The following CBX2 variants were observed in gnomAD, a reference collection of about 807,000 sequenced individuals.
CBX2 encodes the protein chromobox 2, also known as chromobox protein homolog 2.
In CBX2, 11 loss-of-function variants were observed where a neutral mutation model predicts 21.0. That is an observed-to-expected ratio of 0.52 (90% CI 0.33 to 0.87). The LOEUF (loss-of-function observed/expected upper bound fraction) is 0.87, where lower values mean the gene tolerates loss of function less well. Among genes scored for constraint, CBX2 ranks in the 40% least tolerant of loss-of-function variants. The probability of loss-of-function intolerance (pLI) is 0.02; values close to 1 mark genes in which losing one functional copy is unlikely to be tolerated. For synonymous variants in CBX2, 364 were observed against 304.6 expected (o/e 1.19, Z -2.03); for missense variants, 746 against 724.3 (o/e 1.03, Z -0.34).
chr17:79,778,125 G>GCGGGC, upstream of CBX2: 5 of 362,250 alleles, frequency 1.4e-5, no homozygotes, highest in Non-Finnish European at 1.5e-5. This position sits in a 1 kb window ranked among gnomAD's most constrained non-coding sequence, Gnocchi z 4.8. Flanking sequence ...CGTGCGCGGG[G>GCGGGC]CGGGCCGGCG....
rs1192258557 is a variant in CBX2, at chr17:79,785,611, C to T, written c.*569C>T. 1.9e-5 allele frequency: 3 copies of T among 158,484 alleles called. No individual in the cohort carries two copies. The highest frequency in any genetic ancestry group is 4.2e-5 in the Non-Finnish European group (3 of 71,548). The allele number at this position is 158,484 out of a possible 1,614,324, so 9.8% of individuals were successfully genotyped here. A position where few individuals can be genotyped will look rare whatever the true frequency, so the allele number is the denominator to read the frequency against. ...TGGTCCTGGCTGGCATTGCCTGAGCCGGCAGTGATGAAGTGGGGAGCTTGC... is the reference window on the plus strand; with the variant it reads ...TGGTCCTGGCTGGCATTGCCTGAGCTGGCAGTGATGAAGTGGGGAGCTTGC... On this transcript the variant is annotated 3_prime_UTR_variant, in exon 5 of 5. Coordinates refer to ENST00000310942, the MANE Select transcript of CBX2 (RefSeq NM_005189.3).
In CBX2 at chr17:79,786,689, C is replaced by T. The variant is rs1416363198; in HGVS notation, c.*1647C>T. 2.0e-5 allele frequency: 3 copies of T among 152,716 alleles called. No individual in the cohort carries two copies. Among genetic ancestry groups the T allele is most frequent in the Non-Finnish European group, 2.9e-5 (2 of 68,094 alleles). The allele number at this position is 152,716 out of a possible 1,614,324, so 9.5% of individuals were successfully genotyped here. ...TGTTCCTCTGATTGGATGGAGTCCG[C>T]CAGCAGGCATGGGGCTACATTCCAG... On this transcript the variant is annotated 3_prime_UTR_variant, in exon 5 of 5. Transcript: ENST00000310942.
chr17:79,778,477 T>C lies in CBX2; in HGVS notation c.116+50T>C. The C allele has an allele frequency of 1.6e-6, 2 of 1,273,198 alleles. No individual in the cohort carries two copies. The highest frequency in any genetic ancestry group is 2.1e-6 in the Non-Finnish European group (2 of 936,092). 78.9% of individuals were successfully genotyped at this position (1,273,198 alleles called of 1,614,324 possible). On this transcript the variant is annotated intron_variant, in intron 2 of 4. Coordinates refer to ENST00000310942, the MANE Select transcript of CBX2 (RefSeq NM_005189.3). The surrounding 1 kb of genome is among the most constrained non-coding windows in gnomAD (Gnocchi z 4.8). ...CCCCTCCCGCCCCCTCGCCCGGGGG[T>C]GGGGACGTGGAGCCCCTCGGCCGCG...
chr17:79,777,541 G>A (rs930989279), upstream of CBX2, among the ~76,000 whole-genome samples: 8 of 152,144 alleles, frequency 5.3e-5, no homozygotes, highest in African/African-American at 1.9e-4. Flanking sequence ...GCCTTTGGGG[G>A]AAAAAGCCTC....
chr17:79,779,943 T>C (rs1443163619), intron 3 of CBX2, among the ~76,000 whole-genome samples: 10 of 152,278 alleles, frequency 6.6e-5, no homozygotes, highest in Admixed American at 5.2e-4. Context: ...TTTATTTTGC[T>C]CTGGCCTGCA....
At position 79,784,615 on chromosome 17, in the gene CBX2, G is replaced by T. The variant is rs781943136; in HGVS notation, c.1172G>T (p.Gly391Val). The change falls in exon 5 of 5, where the codon GGC becomes GTC. Residue 391 changes from glycine (G) to valine (V), a missense_variant. Physicochemically the swap from Gly to Val is moderately radical, Grantham distance 109. Coordinates refer to ENST00000310942, the MANE Select transcript of CBX2 (RefSeq NM_005189.3). This position sits in a 1 kb window ranked among gnomAD's most constrained non-coding sequence, Gnocchi z 5.9. ...VPATNPAPGK[G>V]TGSGLIGASG... ...GCCACCAACCCAGCCCCTGGGAAGG[G>T]CACTGGGAGTGGCCTCATTGGGGCC... is the stretch of plus-strand genomic sequence containing the variant. The T allele has an allele frequency of 3.7e-6, 6 of 1,612,488 alleles. No individual in the cohort carries two copies. In the African/African-American group the frequency reaches 5.3e-5, roughly 14 times the overall value.
In CBX2 at chr17:79,778,844, C is replaced by T. The variant is rs1217803618; in HGVS notation, c.116+417C>T. ...TGGAAGGGAGGGTGTTTGGCATCCC[C>T]GGAAGGGGCTCTCTGCACAGCTGCT... On this transcript the variant is annotated intron_variant, in intron 2 of 4. Transcript: ENST00000310942. The surrounding 1 kb of genome is among the most constrained non-coding windows in gnomAD (Gnocchi z 4.8). Among the ~76,000 whole-genome samples, 1 of 152,104 alleles carries T rather than the reference C, an allele frequency of 6.6e-6. No individual in the cohort carries two copies. The highest frequency in any genetic ancestry group is 1.5e-5 in the Non-Finnish European group (1 of 68,006).
chr17:79,784,672 A>G lies in CBX2; in HGVS notation c.1229A>G (p.Lys410Arg), dbSNP rs1555831308. 6.2e-7 allele frequency: 1 copy of G among 1,612,414 alleles called. No homozygotes were observed. The highest frequency in any genetic ancestry group is 1.1e-5 in the South Asian group (1 of 91,034). ...SGATMPTDTSKSEKLASRAVA... is the reference protein window; with the variant it reads ...SGATMPTDTSRSEKLASRAVA... ...GCCACCATGCCCACCGACACAAGCA[A>G]AAGTGAGAAGCTGGCTTCCAGAGCA... The change falls in exon 5 of 5, where the codon AAA (lysine) becomes AGA (arginine). Residue 410 changes from lysine to arginine, a missense_variant. This residue lies in a region of CBX2 where 701 missense variants were observed against 650.7 expected (regional missense o/e 1.08). Transcript: ENST00000310942. The surrounding 1 kb of genome is among the most constrained non-coding windows in gnomAD (Gnocchi z 5.9).
rs1224097451 is a variant in CBX2 at position 79,782,406 on chromosome 17, G to A, written c.288+605G>A. 19 of 1,357,736 alleles carry A rather than the reference G, an allele frequency of 1.4e-5. No individual in the cohort carries two copies. In the Admixed American group the frequency reaches 2.7e-4, roughly 19 times the overall value. 84.1% of individuals were successfully genotyped at this position (1,357,736 alleles called of 1,614,324 possible). ...CTCACCCCGCCACAGGTATGCATGC[G>A]CCCCTGGGGTCCGTGGTAGGGCCCC... On this transcript the variant is annotated intron_variant, in intron 4 of 4. Transcript: ENST00000310942.
At chr17:79,778,073 G>GGCGGGCGGCGGGCCGGGGCGCGGGC (rs2038230939), upstream of CBX2, 2 of 153,598 alleles carry the variant, frequency 1.3e-5, no homozygotes, top group Non-Finnish European at 1.4e-5. The surrounding 1 kb of genome is among the most constrained non-coding windows in gnomAD (Gnocchi z 4.8). Context: ...AGCGCGCGGG[G>GGCGGGCGGCGGGCCGGGGCGCGGGC]GCGGGCGGCG....
At position 79,787,810 on chromosome 17, in the gene CBX2, G is replaced by A. The variant is rs1555832430; in HGVS notation, c.*2768G>A. ...TATATATTTTGTACCAAAAAAGAGT[G>A]TTCCTTGTTTTGGTTACACTCGAAA... On this transcript the variant is annotated 3_prime_UTR_variant, in exon 5 of 5. Transcript: ENST00000310942. The A allele has an allele frequency of 6.6e-6, 1 of 152,204 alleles. No individual in the cohort carries two copies. Among genetic ancestry groups the A allele is most frequent in the East Asian group, 1.9e-4 (1 of 5,196 alleles). The allele number at this position is 152,204 out of a possible 1,614,324, so 9.4% of individuals were successfully genotyped here.
chr17:79,780,421 C>T (rs2145822436), intron 3 of CBX2, among the ~76,000 whole-genome samples: 1 of 152,326 alleles, frequency 6.6e-6, no homozygotes, highest in African/African-American at 2.4e-5. Flanking sequence ...GCTTAAATCC[C>T]TTTGGAAAAT....
intron 3 of CBX2, 24 bp downstream of exon 3, chr17:79,779,451 G>GA: frequency 6.2e-7 from 1 of 1,608,390 alleles, no homozygotes; most frequent in Non-Finnish European, 8.5e-7. Context: ...CAGCACTGGG[G>GA]AGGGTGTGGG....
rs1907746030 is a variant in CBX2 at position 79,787,980 on chromosome 17, C to T, written c.*2938C>T. On this transcript the variant is annotated 3_prime_UTR_variant, in exon 5 of 5. Transcript: ENST00000310942. Reference sequence around the variant, plus strand: ...AAAAAATCATTCATGTATGCCACTTCTAATTGCTTTCAACTATGGCTGTTT... The same window carrying T: ...AAAAAATCATTCATGTATGCCACTTTTAATTGCTTTCAACTATGGCTGTTT... 1 of 152,048 alleles carries T rather than the reference C, an allele frequency of 6.6e-6. No individual in the cohort carries two copies. Among genetic ancestry groups the T allele is most frequent in the Non-Finnish European group, 1.5e-5 (1 of 68,008 alleles). 9.4% of individuals were successfully genotyped at this position (152,048 alleles called of 1,614,324 possible).
rs1555829529 is a variant in CBX2 at position 79,778,644 on chromosome 17, G to A, written c.116+217G>A. Among the ~76,000 whole-genome samples the A allele has an allele frequency of 6.6e-6, 1 of 151,522 alleles. No homozygotes were observed. The highest frequency in any genetic ancestry group is 1.5e-5 in the Non-Finnish European group (1 of 67,780). ...CACGCCCGCGGGTGCAGAGCTGGGCGGCCCCCCGCGCCAGAACCTCCTCGG... is the reference window on the plus strand; with the variant it reads ...CACGCCCGCGGGTGCAGAGCTGGGCAGCCCCCCGCGCCAGAACCTCCTCGG... On this transcript the variant is annotated intron_variant, in intron 2 of 4. Coordinates refer to ENST00000310942, the MANE Select transcript of CBX2 (RefSeq NM_005189.3). This position sits in a 1 kb window ranked among gnomAD's most constrained non-coding sequence, Gnocchi z 4.8.
In CBX2 at chr17:79,785,442, G is replaced by A. The variant is rs1349778625; in HGVS notation, c.*400G>A. ...TCACAGCTTTGGTCCCTGTCTTGCA[G>A]GGGCTGAGGTGTCAGGAGGGGACTT... On this transcript the variant is annotated 3_prime_UTR_variant, in exon 5 of 5. Coordinates refer to ENST00000310942, the MANE Select transcript of CBX2 (RefSeq NM_005189.3). 1 of 278,092 alleles carries A rather than the reference G, an allele frequency of 3.6e-6. No homozygotes were observed. Among genetic ancestry groups the A allele is most frequent in the Non-Finnish European group, 7.1e-6 (1 of 141,380 alleles). 17.2% of individuals were successfully genotyped at this position (278,092 alleles called of 1,614,324 possible). A position where few individuals can be genotyped will look rare whatever the true frequency, so the allele number is the denominator to read the frequency against.
Position 79,784,969 on chromosome 17 carries a change from C to T in CBX2, c.1526C>T (p.Thr509Ile), listed in dbSNP as rs377749968. Residue 509 changes from threonine to isoleucine, a missense_variant, in exon 5 of 5, where the codon ACT (threonine) becomes ATT (isoleucine). This residue lies in a region of CBX2 where 701 missense variants were observed against 650.7 expected (regional missense o/e 1.08). Transcript: ENST00000310942. The surrounding 1 kb of genome is among the most constrained non-coding windows in gnomAD (Gnocchi z 5.9). ...GAGCACGTATTTGTCACCGACGTCA[C>T]TGCCAACCTCATCACCGTCACAGTG... ...LIEHVFVTDV[T>I]ANLITVTVKE... The T allele has an allele frequency of 6.2e-7, 1 of 1,609,392 alleles. No homozygotes were observed. Among genetic ancestry groups the T allele is most frequent in the Non-Finnish European group, 8.5e-7 (1 of 1,180,000 alleles).
rs1907550524 is a variant in CBX2 at position 79,785,173 on chromosome 17, T to G, written c.*131T>G. ...GAGGAGGAGTGGGTGGCCTCCTTGA[T>G]GGGCAGGCTTGGAAGGGACTTCTCC... On this transcript the variant is annotated 3_prime_UTR_variant, in exon 5 of 5. Transcript: ENST00000310942. The G allele has an allele frequency of 4.0e-6, 3 of 754,610 alleles. No homozygotes were observed. The highest frequency in any genetic ancestry group is 6.7e-6 in the Non-Finnish European group (3 of 446,836). The allele number at this position is 754,610 out of a possible 1,614,324, so 46.7% of individuals were successfully genotyped here.
In CBX2 at chr17:79,778,346, T is replaced by C; in HGVS notation, c.73-38T>C. 1 of 1,576,156 alleles carries C rather than the reference T, an allele frequency of 6.3e-7. No individual in the cohort carries two copies. Among genetic ancestry groups the C allele is most frequent in the Non-Finnish European group, 8.6e-7 (1 of 1,166,170 alleles). Reference sequence around the variant, plus strand: ...GCCGGGCCCCCCGCCCGCCGCCCGCTGTCCGTCTGGCTCACGGCCCCTCTT... The same window carrying C: ...GCCGGGCCCCCCGCCCGCCGCCCGCCGTCCGTCTGGCTCACGGCCCCTCTT... On this transcript the variant is annotated intron_variant, in intron 1 of 4. Transcript: ENST00000310942. This position sits in a 1 kb window ranked among gnomAD's most constrained non-coding sequence, Gnocchi z 4.8.
Sources: gnomAD v4.1 joint callset for allele counts (sites outside exome capture counted in the v4.1 genomes callset) on GRCh38, gnomAD v4.1.1 for gene constraint, gnomAD v4.1.1 regional missense constraint, Gnocchi (gnomAD v3.1) non-coding constraint, MANE v1.5 for transcripts, NCBI Gene and HGNC (gene_info 2026-07-23, HGNC 2026-07-21) for gene names.